Variants in ADGRL3 observed in about 807,000 individuals in gnomAD.
The protein encoded by ADGRL3 is adhesion G protein-coupled receptor L3.
ADGRL3 carries 62 observed loss-of-function variants against 153.5 expected under a neutral mutation model. That is an observed-to-expected ratio of 0.40 (90% CI 0.33 to 0.50). ADGRL3 has a LOEUF of 0.50. Among genes scored for constraint, ADGRL3 ranks in the 20% least tolerant of loss-of-function variants. The pLI, the probability that ADGRL3 is intolerant of heterozygous loss-of-function variation, is 0.47. For missense variants in ADGRL3, 1,641 were observed against 1,859.4 expected (o/e 0.88, Z 2.16); for synonymous variants, 710 against 672.5 (o/e 1.06, Z -0.86).
chr4:61,364,068 G>A (rs1017189897), intron 1 of ADGRL3, among the ~76,000 whole-genome samples: 8 of 151,920 alleles, frequency 5.3e-5, no homozygotes, highest in South Asian at 2.1e-4. Context: ...TAGGCTGGGC[G>A]CAGCTGTAAT....
chr4:61,817,440 C>T (rs530194118), intron 9 of ADGRL3, among the ~76,000 whole-genome samples: 49 of 152,262 alleles, frequency 3.2e-4, no homozygotes, highest in Non-Finnish European at 5.6e-4. Flanking sequence ...CTCAGCCATA[C>T]TTGGACAGAC....
chr4:61,911,442 T>C (rs1024816495), intron 12 of ADGRL3, among the ~76,000 whole-genome samples: 1 of 152,314 alleles, frequency 6.6e-6, no homozygotes, highest in South Asian at 2.1e-4. Context: ...GTTTGTCATA[T>C]GTTAATTTGC....
At chr4:62,007,194 A>G (rs1269308975) in intron 21 of ADGRL3, among the ~76,000 whole-genome samples, 1 of 150,518 alleles carries the variant, frequency 6.6e-6, no homozygotes, top group African/African-American at 2.4e-5. Flanking sequence ...CATGTTCAGG[A>G]TGTAAAATAT....
chr4:61,332,818 G>GA (rs1560484512), intron 1 of ADGRL3, among the ~76,000 whole-genome samples: 1 of 151,866 alleles, frequency 6.6e-6, no homozygotes, highest in Non-Finnish European at 1.5e-5. Context: ...ATTCTGTCTT[G>GA]AAAAAAATGC....
chr4:61,455,576 A>C (rs529769885), intron 2 of ADGRL3, among the ~76,000 whole-genome samples: 23 of 152,140 alleles, frequency 1.5e-4, no homozygotes, highest in Non-Finnish European at 3.1e-4. Flanking sequence ...GTAGGCAATT[A>C]AATATTCATG....
intron 5 of ADGRL3, among the ~76,000 whole-genome samples, chr4:61,675,439 A>G (rs1419175722): frequency 6.6e-6 from 1 of 151,902 alleles, no homozygotes; most frequent in Non-Finnish European, 1.5e-5. Flanking sequence ...ATACTTAAGG[A>G]TAAATTTTTG....
At chr4:61,526,500 G>C (rs901452240) in intron 4 of ADGRL3, among the ~76,000 whole-genome samples, 2 of 152,062 alleles carry the variant, frequency 1.3e-5, no homozygotes, top group East Asian at 3.9e-4. Flanking sequence ...ACACTTGGCT[G>C]GGCATGATGG....
intron 9 of ADGRL3, among the ~76,000 whole-genome samples, chr4:61,822,728 G>T (rs2097767096): frequency 6.6e-6 from 1 of 152,062 alleles, no homozygotes; most frequent in Non-Finnish European, 1.5e-5. Context: ...TGATCTGGTA[G>T]TTTTTCATAT....
At chr4:61,377,287 G>C (rs949434782) in intron 1 of ADGRL3, among the ~76,000 whole-genome samples, 7 of 152,076 alleles carry the variant, frequency 4.6e-5, no homozygotes, top group African/African-American at 1.4e-4. Context: ...TCCCTTCCTT[G>C]CATCAATTAT....
At chr4:61,284,480 A>G (rs890559758) in intron 1 of ADGRL3, among the ~76,000 whole-genome samples, 13 of 151,944 alleles carry the variant, frequency 8.6e-5, no homozygotes, top group Non-Finnish European at 1.2e-4. Context: ...CACTAGGTAC[A>G]GAAAATTATA....
At chr4:61,297,564 A>T in intron 1 of ADGRL3, among the ~76,000 whole-genome samples, 1 of 151,284 alleles carries the variant, frequency 6.6e-6, no homozygotes, top group East Asian at 1.9e-4. Flanking sequence ...TTAACAAAAC[A>T]TTTTTTTTCC....
At chr4:61,885,730 T>G (rs2149522268) in intron 9 of ADGRL3, among the ~76,000 whole-genome samples, 1 of 152,336 alleles carries the variant, frequency 6.6e-6, no homozygotes, top group Admixed American at 6.5e-5. Context: ...GGATAGATTT[T>G]AATAGACCTG....
At chr4:61,818,740 T>A (rs916161405) in intron 9 of ADGRL3, among the ~76,000 whole-genome samples, 2 of 152,118 alleles carry the variant, frequency 1.3e-5, no homozygotes, top group Non-Finnish European at 2.9e-5. Context: ...AGATTCTACT[T>A]CTTATTCGAT....
At chr4:61,789,706 G>A in intron 8 of ADGRL3, among the ~76,000 whole-genome samples, 2 of 152,152 alleles carry the variant, frequency 1.3e-5, no homozygotes, top group African/African-American at 4.8e-5. Flanking sequence ...AATGAAATAA[G>A]TCTCCATTAC....
chr4:61,922,894 C>G (rs528831180), intron 13 of ADGRL3, among the ~76,000 whole-genome samples: 1 of 152,194 alleles, frequency 6.6e-6, no homozygotes, highest in Non-Finnish European at 1.5e-5. Context: ...AAATGCTATT[C>G]AAAGAATTAA....
chr4:61,775,428 G>T (rs892203295), intron 8 of ADGRL3: 2 of 686,852 alleles, frequency 2.9e-6, no homozygotes, highest in Admixed American at 1.8e-5. Flanking sequence ...GTGTGTGTGT[G>T]TGTGCCAAAG....
intron 11 of ADGRL3, among the ~76,000 whole-genome samples, chr4:61,908,117 G>GA (rs139714247): frequency 0.019 from 2,881 of 150,652 alleles, 96 homozygotes; most frequent in African/African-American, 0.067. Context: ...CTACAAAACT[G>GA]AAAAAAAAAT....
At chr4:61,902,496 C>T (rs982822191) in intron 11 of ADGRL3, among the ~76,000 whole-genome samples, 3 of 152,132 alleles carry the variant, frequency 2.0e-5, no homozygotes, top group Non-Finnish European at 4.4e-5. Context: ...TTAGACGGAT[C>T]CTATTTAAGC....
At chr4:61,839,149 T>C (rs76449056) in intron 9 of ADGRL3, among the ~76,000 whole-genome samples, 7,560 of 152,170 alleles carry the variant, frequency 0.05, 254 homozygotes, top group Non-Finnish European at 0.072. Context: ...TGGTATACTT[T>C]TTTATATAAC....
Sources: gnomAD v4.1 joint callset for allele counts (sites outside exome capture counted in the v4.1 genomes callset) on GRCh38, gnomAD v4.1.1 for gene constraint, MANE v1.5 for transcripts, NCBI Gene and HGNC (gene_info 2026-07-23, HGNC 2026-07-21) for gene names.